CADPS2: variants seen among roughly 807,000 people sequenced by gnomAD.
CADPS2 encodes the protein calcium dependent secretion activator 2.
CADPS2 carries 93 observed loss-of-function variants against 172.5 expected under a neutral mutation model. The ratio of observed to expected loss-of-function variants is 0.54; its 90% CI spans 0.46 to 0.64. The LOEUF (loss-of-function observed/expected upper bound fraction) is 0.64. CADPS2 is among the 30% of genes least tolerant of loss of function. The probability of loss-of-function intolerance (pLI) is 0.00; values close to 1 mark genes in which losing one functional copy is unlikely to be tolerated. For synonymous variants in CADPS2, 546 were observed against 555.2 expected (o/e 0.98, Z 0.23); for missense variants, 1,420 against 1,565.9 (o/e 0.91, Z 1.57).
At chr7:122,494,240 C>T (rs2058551220) in intron 9 of CADPS2, among the ~76,000 whole-genome samples, 1 of 152,160 alleles carries the variant, frequency 6.6e-6, no homozygotes, top group South Asian at 2.1e-4. Flanking sequence ...AGAACTCTTA[C>T]TGATACAGTA....
At chr7:122,641,025 G>T (rs1160369853) in intron 3 of CADPS2, among the ~76,000 whole-genome samples, 2 of 151,832 alleles carry the variant, frequency 1.3e-5, no homozygotes, top group Non-Finnish European at 2.9e-5. Flanking sequence ...GAACTCTGGG[G>T]ATTGTAATAG....
intron 24 of CADPS2, among the ~76,000 whole-genome samples, chr7:122,383,354 T>C (rs111876507): frequency 0.015 from 2,214 of 151,422 alleles, 43 homozygotes; most frequent in African/African-American, 0.051. Context: ...GGGAGGGAGA[T>C]GTGGATGGAA....
At chr7:122,702,412 T>C (rs375295041) in intron 2 of CADPS2, 1 of 1,613,652 alleles carries the variant, frequency 6.2e-7, no homozygotes, top group Non-Finnish European at 8.5e-7. Flanking sequence ...TGATTTTATG[T>C]GTAAAAGTAC....
At chr7:122,581,432 T>C in intron 6 of CADPS2, 142 bp from the exon 7 acceptor site, 1 of 629,456 alleles carries the variant, frequency 1.6e-6, no homozygotes, top group Non-Finnish European at 2.8e-6. Flanking sequence ...TTCTAGCAGA[T>C]GGCACAATCA....
At chr7:122,426,655 T>C (rs935141059) in intron 17 of CADPS2, among the ~76,000 whole-genome samples, 2 of 152,172 alleles carry the variant, frequency 1.3e-5, no homozygotes, top group African/African-American at 4.8e-5. Flanking sequence ...TTTTGTACAA[T>C]TGGAAAAGAC....
At chr7:122,456,739 A>T (rs911196859) in intron 14 of CADPS2, among the ~76,000 whole-genome samples, 1 of 152,214 alleles carries the variant, frequency 6.6e-6, no homozygotes, top group Non-Finnish European at 1.5e-5. Context: ...GCCATCACAC[A>T]CATGTACATC....
intron 2 of CADPS2, among the ~76,000 whole-genome samples, chr7:122,722,695 G>A: frequency 1.2e-5 from 1 of 80,890 alleles, no homozygotes; most frequent in South Asian, 5.8e-4. Flanking sequence ...AGTTCATATG[G>A]AACCAAAAAA....
At chr7:122,827,235 T>A (rs1805163916) in intron 1 of CADPS2, among the ~76,000 whole-genome samples, 1 of 152,118 alleles carries the variant, frequency 6.6e-6, no homozygotes. Context: ...AATATAAAAA[T>A]GATCATTTCA....
intron 8 of CADPS2, among the ~76,000 whole-genome samples, chr7:122,522,538 TCAAA>T (rs1207523006): frequency 6.6e-6 from 1 of 152,164 alleles, no homozygotes; most frequent in Non-Finnish European, 1.5e-5. Context: ...CTCCATCACC[TCAAA>T]CATTTATTTC....
intron 1 of CADPS2, among the ~76,000 whole-genome samples, chr7:122,813,170 G>A (rs1800470036): frequency 6.6e-6 from 1 of 152,054 alleles, no homozygotes; most frequent in East Asian, 1.9e-4. Context: ...AAAACTGCAA[G>A]CTAATTATGT....
intron 8 of CADPS2, among the ~76,000 whole-genome samples, chr7:122,535,361 G>GAACT (rs1563625371): frequency 6.6e-6 from 1 of 151,948 alleles, no homozygotes. Context: ...AGTGTTGTAA[G>GAACT]AACTAAATAA....
At chr7:122,500,421 A>C (rs1219975337) in intron 9 of CADPS2, among the ~76,000 whole-genome samples, 1 of 152,226 alleles carries the variant, frequency 6.6e-6, no homozygotes, top group African/African-American at 2.4e-5. Context: ...TTAAAAAAAA[A>C]CTAACAGTTT....
intron 13 of CADPS2, 123 bp downstream of exon 13, chr7:122,474,258 T>C (rs1226957542): frequency 1.1e-5 from 11 of 1,043,920 alleles, no homozygotes; most frequent in Non-Finnish European, 1.5e-5. Flanking sequence ...ATTAAATGAG[T>C]CAGGAATAAA....
At chr7:122,426,551 T>C (rs530203866) in intron 17 of CADPS2, among the ~76,000 whole-genome samples, 1 of 152,348 alleles carries the variant, frequency 6.6e-6, no homozygotes, top group African/African-American at 2.4e-5. Context: ...CCCTTCTTAA[T>C]TTGCCAAACT....
At chr7:122,456,699 G>C (rs952579187) in intron 14 of CADPS2, among the ~76,000 whole-genome samples, 3 of 152,170 alleles carry the variant, frequency 2.0e-5, no homozygotes, top group Non-Finnish European at 4.4e-5. Flanking sequence ...CTTAACGTCT[G>C]CCTGTGGGTC....
intron 3 of CADPS2, among the ~76,000 whole-genome samples, chr7:122,660,177 T>TG (rs1373955951): frequency 2.6e-5 from 4 of 152,094 alleles, no homozygotes; most frequent in African/African-American, 9.7e-5. Flanking sequence ...AAGAATATAT[T>TG]GGGGGTTATA....
intron 1 of CADPS2, among the ~76,000 whole-genome samples, chr7:122,800,868 G>A (rs191694827): frequency 1.2e-4 from 18 of 152,096 alleles, no homozygotes; most frequent in African/African-American, 4.1e-4. Context: ...GCACATGCCT[G>A]TAATCCCAGC....
chr7:122,828,796 G>T (rs1805674615), intron 1 of CADPS2, among the ~76,000 whole-genome samples: 1 of 152,016 alleles, frequency 6.6e-6, no homozygotes, highest in African/African-American at 2.4e-5. Context: ...AGCTTTACTG[G>T]ATACAACACC....
At chr7:122,363,757 A>C (rs2040489229) in intron 25 of CADPS2, among the ~76,000 whole-genome samples, 1 of 152,192 alleles carries the variant, frequency 6.6e-6, no homozygotes, top group Admixed American at 6.5e-5. Context: ...GTAAAGAATT[A>C]ATATTATCCA....
Sources: gnomAD v4.1 joint callset for allele counts (sites outside exome capture counted in the v4.1 genomes callset) on GRCh38, gnomAD v4.1.1 for gene constraint, MANE v1.5 for transcripts, NCBI Gene and HGNC (gene_info 2026-07-23, HGNC 2026-07-21) for gene names.